CCDC50: variants seen among roughly 807,000 people sequenced by gnomAD.
The protein encoded by CCDC50 is coiled-coil domain containing 50.
Under a neutral mutation model 70.2 loss-of-function variants are expected in CCDC50, and 54 were observed. The observed-to-expected ratio is 0.77, with a 90% CI of 0.62 to 0.96. The LOEUF (loss-of-function observed/expected upper bound fraction) is 0.96. CCDC50 is among the 50% of genes least tolerant of loss of function. The pLI is 0.00. For synonymous variants in CCDC50, 216 were observed against 198.8 expected (o/e 1.09, Z -0.73); for missense variants, 558 against 578.7 (o/e 0.96, Z 0.37).
chr3:191,385,809 G>C (rs1229831457), intron 10 of CCDC50, among the ~76,000 whole-genome samples: 1 of 152,038 alleles, frequency 6.6e-6, no homozygotes, highest in Admixed American at 6.6e-5. Context: ...TATATGGTGA[G>C]AGGTATGGGT....
intron 1 of CCDC50, among the ~76,000 whole-genome samples, chr3:191,337,156 T>G (rs1009795726): frequency 6.7e-6 from 1 of 149,804 alleles, no homozygotes; most frequent in Non-Finnish European, 1.5e-5. Context: ...TTTTGCGACC[T>G]GATACTAGAC....
Position 191,361,087 on chromosome 3 carries a change from A to G in CCDC50, c.258A>G (p.Glu86=). The G allele has an allele frequency of 6.2e-7, 1 of 1,613,684 alleles. No individual in the cohort carries two copies. The highest frequency in any genetic ancestry group is 8.5e-7 in the Non-Finnish European group (1 of 1,179,646). ...TTTTTAGTGAACAACAAGACTGTGAAATTGCTCAGGAAATTCAGGAGAAGC... is the reference window on the plus strand; with the variant it reads ...TTTTTAGTGAACAACAAGACTGTGAGATTGCTCAGGAAATTCAGGAGAAGC... The part of the protein sequence containing the change: ...RYKDLEQQDC[E]IAQEIQEKLA... Residue 86 remains glutamate, a synonymous_variant, in exon 4 of 12, where the codon GAA becomes GAG. Coordinates refer to ENST00000392455, the MANE Select transcript of CCDC50 (RefSeq NM_178335.3).
chr3:191,364,348 C>T (rs142432428), intron 4 of CCDC50, among the ~76,000 whole-genome samples: 92 of 151,098 alleles, frequency 6.1e-4, no homozygotes, highest in African/African-American at 2.1e-3. Flanking sequence ...ATTATAGGTA[C>T]GAGCCACCGC....
rs1712060871 is a variant in CCDC50 at position 191,350,201 on chromosome 3, G to C, written c.50-6887G>C. 2.1e-5 allele frequency among the ~76,000 whole-genome samples: 3 copies of C among 141,572 alleles called. 1 individual carries two copies. Among genetic ancestry groups the C allele is most frequent in the Non-Finnish European group, 4.8e-5 (3 of 62,808 alleles). The allele number at this position is 141,572 out of a possible 152,430, so 92.9% of individuals were successfully genotyped here. A position where few individuals can be genotyped will look rare whatever the true frequency, so the allele number is the denominator to read the frequency against. ...AGTGCATTGTAATTTATGAAGTGCT[G>C]TATAAATTTCAGTTGTGGCTGTCTG... is the stretch of plus-strand genomic sequence containing the variant. On this transcript the variant is annotated intron_variant, in intron 1 of 11. Coordinates refer to ENST00000392455, the MANE Select transcript of CCDC50 (RefSeq NM_178335.3).
intron 5 of CCDC50, 56 bp from the exon 6 acceptor site, chr3:191,375,006 A>C: frequency 6.4e-7 from 1 of 1,553,708 alleles, no homozygotes; most frequent in Non-Finnish European, 8.9e-7. Flanking sequence ...TGAGTTCATA[A>C]CTCTCATTAA....
intron 3 of CCDC50, among the ~76,000 whole-genome samples, chr3:191,360,669 T>C (rs1712454664): frequency 6.6e-6 from 1 of 152,254 alleles, no homozygotes; most frequent in African/African-American, 2.4e-5. Flanking sequence ...GTGAAGTTAC[T>C]AAGTGTACAC....
At chr3:191,375,622 T>C in intron 6 of CCDC50, 33 bp downstream of exon 6, 2 of 1,601,042 alleles carry the variant, frequency 1.2e-6, no homozygotes, top group East Asian at 2.3e-5. Context: ...GAAGTCCTGG[T>C]ATCATGTATA....
chr3:191,378,873 T>C (rs1453132348), intron 6 of CCDC50, among the ~76,000 whole-genome samples: 1 of 152,042 alleles, frequency 6.6e-6, no homozygotes. Flanking sequence ...GGTCTGAAGC[T>C]AAGAAAGCCA....
intron 6 of CCDC50, among the ~76,000 whole-genome samples, chr3:191,379,791 A>C (rs1316482251): frequency 6.6e-6 from 1 of 151,704 alleles, no homozygotes; most frequent in African/African-American, 2.4e-5. Context: ...TTAAACTCTG[A>C]CTCTGTAATT....
intron 10 of CCDC50, among the ~76,000 whole-genome samples, chr3:191,385,738 A>C (rs545009530): frequency 6.6e-6 from 1 of 152,118 alleles, no homozygotes; most frequent in South Asian, 2.1e-4. Flanking sequence ...GCCAGTGTTG[A>C]GAATAGTCTT....
chr3:191,394,087 T>TA lies in CCDC50; in HGVS notation c.*2328dup, dbSNP rs537754274. 2 of 152,140 alleles carry TA rather than the reference T, an allele frequency of 1.3e-5. No homozygotes were observed. Among genetic ancestry groups the TA allele is most frequent in the Admixed American group, 6.5e-5 (1 of 15,274 alleles). The allele number at this position is 152,140 out of a possible 1,614,324, so 9.4% of individuals were successfully genotyped here. A position where few individuals can be genotyped will look rare whatever the true frequency, so the allele number is the denominator to read the frequency against. On this transcript the variant is annotated 3_prime_UTR_variant, in exon 12 of 12. Transcript: ENST00000392455. ...AAAAAAAGTCGGACCACTTAACACT[T>TA]ACCAGGAATGTTAGTGTTTCAGCTG...
chr3:191,388,455 A>G (rs115895138), intron 10 of CCDC50, among the ~76,000 whole-genome samples: 1 of 152,204 alleles, frequency 6.6e-6, no homozygotes, highest in African/African-American at 2.4e-5. Context: ...AGTTAGCATT[A>G]GCATACAGAC....
chr3:191,382,230 A>G (rs770644145), intron 9 of CCDC50, among the ~76,000 whole-genome samples: 15 of 152,084 alleles, frequency 9.9e-5, no homozygotes, highest in Non-Finnish European at 1.9e-4. Flanking sequence ...TGTAATTTTT[A>G]TTTTATAACT....
chr3:191,364,574 C>T (rs891913965), intron 4 of CCDC50, among the ~76,000 whole-genome samples: 44 of 149,650 alleles, frequency 2.9e-4, no homozygotes, highest in Non-Finnish European at 2.1e-4. Context: ...GAACCCTTTT[C>T]TCTTGGAACA....
intron 7 of CCDC50, 28 bp from the exon 8 acceptor site, chr3:191,380,659 C>A (rs760439471): frequency 3.7e-6 from 6 of 1,603,950 alleles, no homozygotes; most frequent in South Asian, 1.1e-5. Context: ...CAATTAAATT[C>A]TTTGTTTTTG....
chr3:191,332,684 G>A (rs933407050), intron 1 of CCDC50, among the ~76,000 whole-genome samples: 3 of 152,134 alleles, frequency 2.0e-5, no homozygotes, highest in African/African-American at 7.2e-5. Flanking sequence ...ACATATTTTT[G>A]TAAAAAACTT....
intron 2 of CCDC50, 28 bp from the exon 3 acceptor site, chr3:191,357,970 A>T (rs1322614801): frequency 6.2e-7 from 1 of 1,613,794 alleles, no homozygotes; most frequent in Admixed American, 1.7e-5. Context: ...GACATTATTC[A>T]TTCCTGTCCT....
At chr3:191,335,764 C>CT (rs1172874663) in intron 1 of CCDC50, among the ~76,000 whole-genome samples, 2 of 152,202 alleles carry the variant, frequency 1.3e-5, no homozygotes, top group East Asian at 3.9e-4. Context: ...TGGTTCTTTC[C>CT]TTTTTCTTTG....
At chr3:191,353,735 T>G (rs1438926849) in intron 1 of CCDC50, among the ~76,000 whole-genome samples, 1 of 141,760 alleles carries the variant, frequency 7.1e-6, no homozygotes, top group African/African-American at 2.5e-5. Context: ...GGGCAAGTAA[T>G]ATTTCAGTAT....
Sources: allele counts gnomAD v4.1 joint callset (sites outside exome capture counted in the v4.1 genomes callset), GRCh38; gene constraint gnomAD v4.1.1; transcripts MANE v1.5; gene names NCBI Gene and HGNC (gene_info 2026-07-23, HGNC 2026-07-21).